Variants in ARB2A observed in about 807,000 individuals in gnomAD.
ARB2A encodes cotranscriptional regulator ARB2A.
the ARB2A span, among the ~76,000 whole-genome samples, chr5:93,933,881 C>G: frequency 6.6e-6 from 1 of 152,054 alleles, no homozygotes; most frequent in South Asian, 2.1e-4. Context: ...TGGCTTGCAC[C>G]TGTAGTCCCA....
chr5:93,741,222 C>A, the ARB2A span: 1 of 1,613,834 alleles, frequency 6.2e-7, no homozygotes, highest in Non-Finnish European at 8.5e-7. Flanking sequence ...CCTCTGGCGG[C>A]GGCAACTTCG....
chr5:93,938,653 C>T, the ARB2A span, among the ~76,000 whole-genome samples: 1 of 152,094 alleles, frequency 6.6e-6, no homozygotes, highest in African/African-American at 2.4e-5. Context: ...TGAATTTCAC[C>T]GTACAGTGCC....
the ARB2A span, among the ~76,000 whole-genome samples, chr5:94,082,960 TA>T: frequency 1.3e-5 from 2 of 152,184 alleles, no homozygotes; most frequent in Non-Finnish European, 2.9e-5. Flanking sequence ...ACAAAACACA[TA>T]ATACATATCT....
the ARB2A span, among the ~76,000 whole-genome samples, chr5:93,809,242 T>G: frequency 6.6e-6 from 1 of 151,944 alleles, no homozygotes; most frequent in Non-Finnish European, 1.5e-5. Context: ...ATTTAACTAG[T>G]GGAAAGGAAT....
the ARB2A span, among the ~76,000 whole-genome samples, chr5:94,094,967 T>A: frequency 6.6e-6 from 1 of 152,196 alleles, no homozygotes; most frequent in South Asian, 2.1e-4. Context: ...ACTGCCATTG[T>A]CCTCTCCCCA....
the ARB2A span, among the ~76,000 whole-genome samples, chr5:93,968,585 G>A: frequency 1.3e-5 from 2 of 151,954 alleles, no homozygotes; most frequent in African/African-American, 2.4e-5. Context: ...AATCACACAA[G>A]GTGTAACTTA....
the ARB2A span, among the ~76,000 whole-genome samples, chr5:94,039,278 C>T: frequency 1.3e-5 from 2 of 152,202 alleles, no homozygotes; most frequent in Middle Eastern, 6.8e-3. Flanking sequence ...CATTCCTAGA[C>T]CATTAAGACA....
the ARB2A span, among the ~76,000 whole-genome samples, chr5:94,070,123 T>C: frequency 1.3e-5 from 2 of 152,028 alleles, no homozygotes; most frequent in South Asian, 2.1e-4. Flanking sequence ...ATGTGATATA[T>C]ATATACAAAA....
chr5:93,939,930 T>A, the ARB2A span, among the ~76,000 whole-genome samples: 1 of 151,922 alleles, frequency 6.6e-6, no homozygotes, highest in Non-Finnish European at 1.5e-5. Context: ...TAAAGTCAAA[T>A]GTGAATGGCC....
chr5:94,017,218 A>G, the ARB2A span, among the ~76,000 whole-genome samples: 18 of 152,300 alleles, frequency 1.2e-4, no homozygotes, highest in Non-Finnish European at 2.6e-4. Context: ...AAGGTGCCAG[A>G]AAGACTTTAC....
At chr5:93,849,363 C>G in the ARB2A span, among the ~76,000 whole-genome samples, 1 of 151,972 alleles carries the variant, frequency 6.6e-6, no homozygotes, top group Admixed American at 6.6e-5. Context: ...CTACTGAGTT[C>G]AAAAGATGAG....
At chr5:94,011,594 A>C in the ARB2A span, among the ~76,000 whole-genome samples, 1 of 152,222 alleles carries the variant, frequency 6.6e-6, no homozygotes, top group African/African-American at 2.4e-5. Context: ...AAAAGATTAA[A>C]GGAATAACCA....
the ARB2A span, among the ~76,000 whole-genome samples, chr5:93,916,754 A>G: frequency 6.6e-6 from 1 of 152,078 alleles, no homozygotes; most frequent in Non-Finnish European, 1.5e-5. Context: ...ATTCCATACA[A>G]TGGGTGCTTT....
the ARB2A span, among the ~76,000 whole-genome samples, chr5:93,664,841 C>CT: frequency 6.6e-6 from 1 of 151,372 alleles, no homozygotes; most frequent in Admixed American, 6.6e-5. Context: ...TCTTTTTTTC[C>CT]TTTTTGCCAC....
At chr5:93,786,357 T>C in the ARB2A span, among the ~76,000 whole-genome samples, 19 of 152,220 alleles carry the variant, frequency 1.2e-4, no homozygotes, top group African/African-American at 4.1e-4. Context: ...ATCTGTAGTC[T>C]GTCTTTCTGG....
At chr5:93,975,068 A>C in the ARB2A span, among the ~76,000 whole-genome samples, 3 of 152,258 alleles carry the variant, frequency 2.0e-5, no homozygotes, top group East Asian at 5.8e-4. Context: ...TAATCCCAGC[A>C]CTTTGGGAGG....
chr5:93,867,542 C>T, the ARB2A span, among the ~76,000 whole-genome samples: 4 of 152,182 alleles, frequency 2.6e-5, no homozygotes, highest in African/African-American at 7.2e-5. Context: ...CTCAGCCTCC[C>T]GAGTAGCTGG....
chr5:93,662,314 C>T, the ARB2A span, among the ~76,000 whole-genome samples: 1 of 152,044 alleles, frequency 6.6e-6, no homozygotes, highest in Non-Finnish European at 1.5e-5. Flanking sequence ...AACAGGTTAT[C>T]CCATATTGGA....
chr5:93,852,089 A>G, the ARB2A span, among the ~76,000 whole-genome samples: 1 of 152,100 alleles, frequency 6.6e-6, no homozygotes, highest in Non-Finnish European at 1.5e-5. Flanking sequence ...AAGTGTTCCT[A>G]TTTCTCCACA....
Sources: gnomAD v4.1 joint callset for allele counts (sites outside exome capture counted in the v4.1 genomes callset) on GRCh38, gnomAD v4.1.1 for gene constraint, MANE v1.5 for transcripts, NCBI Gene and HGNC (gene_info 2026-07-23, HGNC 2026-07-21) for gene names.